The following PCDHGC3 variants were observed in gnomAD, a reference collection of about 807,000 sequenced individuals.
PCDHGC3 encodes the protein protocadherin gamma subfamily C, 3, also known as protocadherin gamma-C3.
PCDHGC3 carries 26 observed loss-of-function variants against 59.2 expected under a neutral mutation model. That is an observed-to-expected ratio of 0.44 (90% CI 0.32 to 0.61). The LOEUF (loss-of-function observed/expected upper bound fraction) is 0.61. PCDHGC3 is among the 20% of genes least tolerant of loss of function. The pLI is 0.05. For missense variants in PCDHGC3, 1,080 were observed against 1,221.8 expected (o/e 0.88, Z 1.73); for synonymous variants, 487 against 519.7 (o/e 0.94, Z 0.86).
Position 141,490,982 on chromosome 5 carries a change from G to A in PCDHGC3, c.2431-3825G>A, listed in dbSNP as rs964673026. 5 of 1,613,994 alleles carry A rather than the reference G, an allele frequency of 3.1e-6. No homozygotes were observed. Among genetic ancestry groups the A allele is most frequent in the Admixed American group, 1.7e-5 (1 of 60,020 alleles). On this transcript the variant is annotated intron_variant, in intron 1 of 3. Coordinates refer to ENST00000308177, the MANE Select transcript of PCDHGC3 (RefSeq NM_002588.4). This position sits in a 1 kb window ranked among gnomAD's most constrained non-coding sequence, Gnocchi z 5.4. The stretch of plus-strand genomic sequence containing the variant: ...CACTCAGCCCCCCAGCGTCTCCCTC[G>A]CTCTGCTCCTCCTGGCTCCTTGGTC...
At chr5:141,499,689 C>CTTT (rs545067566) in intron 2 of PCDHGC3, among the ~76,000 whole-genome samples, 57 of 119,830 alleles carry the variant, frequency 4.8e-4, no homozygotes, top group Non-Finnish European at 6.2e-4. Context: ...TAACAGATGA[C>CTTT]TTTTTTTTTT....
At position 141,486,543 on chromosome 5, in the gene PCDHGC3, A is replaced by G; in HGVS notation, c.2430+7997A>G. Reference sequence around the variant, plus strand: ...AATGATAATCCACCCTCTTTCTTTCAGAGGTCACATGAGGTGTTTGTTCCT... The same window carrying G: ...AATGATAATCCACCCTCTTTCTTTCGGAGGTCACATGAGGTGTTTGTTCCT... On this transcript the variant is annotated intron_variant, in intron 1 of 3. Transcript: ENST00000308177. This position sits in a 1 kb window ranked among gnomAD's most constrained non-coding sequence, Gnocchi z 5.0. 6.2e-7 allele frequency: 1 copy of G among 1,614,080 alleles called. No individual in the cohort carries two copies. Among genetic ancestry groups the G allele is most frequent in the Non-Finnish European group, 8.5e-7 (1 of 1,180,020 alleles).
chr5:141,500,433 T>A (rs1398344932), intron 2 of PCDHGC3, among the ~76,000 whole-genome samples: 17 of 151,882 alleles, frequency 1.1e-4, no homozygotes, highest in East Asian at 7.8e-4. Flanking sequence ...ATGGTCTCGA[T>A]CTCCTGACCT....
In PCDHGC3 at chr5:141,489,068, G is replaced by GGC; in HGVS notation, c.2431-5739_2431-5738insGC. 1 of 291,558 alleles carries GGC rather than the reference G, an allele frequency of 3.4e-6. No individual in the cohort carries two copies. The allele number at this position is 291,558 out of a possible 1,614,324, so 18.1% of individuals were successfully genotyped here. ...CTCAAATTCAGCTCCCCTCCCCCCT[G>GGC]CCCACCCCCGCCACTCGGTGACTAA... On this transcript the variant is annotated intron_variant, in intron 1 of 3. Transcript: ENST00000308177. The surrounding 1 kb of genome is among the most constrained non-coding windows in gnomAD (Gnocchi z 4.5).
chr5:141,477,600 T>A lies in PCDHGC3; in HGVS notation c.1484T>A (p.Phe495Tyr), dbSNP rs746047124. The A allele has an allele frequency of 6.2e-6, 10 of 1,614,146 alleles. No homozygotes were observed. The highest frequency in any genetic ancestry group is 7.6e-6 in the Non-Finnish European group (9 of 1,180,026). ...CCGCAGAATGCTCGGCTTTCTTTCT[T>A]TCTCTTGGAGCAAGGAGCTGAAACC... ...DAPQNARLSF[F>Y]LLEQGAETGL... Residue 495 changes from phenylalanine to tyrosine, a missense_variant, in exon 1 of 4, where the codon TTT becomes TAT. By Grantham distance (22) the Phe-to-Tyr change is conservative. Coordinates refer to ENST00000308177, the MANE Select transcript of PCDHGC3 (RefSeq NM_002588.4). This position sits in a 1 kb window ranked among gnomAD's most constrained non-coding sequence, Gnocchi z 4.9.
intron 1 of PCDHGC3, 42 bp downstream of exon 1, chr5:141,478,588 T>G (rs2099465964): frequency 6.3e-7 from 1 of 1,575,000 alleles, no homozygotes; most frequent in African/African-American, 1.4e-5. Flanking sequence ...TAGTGCTTTT[T>G]TATTCCTACA....
chr5:141,495,077 C>T (rs1237589417), intron 2 of PCDHGC3, among the ~76,000 whole-genome samples: 4 of 152,180 alleles, frequency 2.6e-5, no homozygotes, highest in African/African-American at 9.7e-5. Flanking sequence ...AATTCACATG[C>T]TTGCCCCTTC....
rs572603287 is a variant in PCDHGC3 at position 141,477,037 on chromosome 5, G to T, written c.921G>T (p.Lys307Asn). 19 of 1,614,266 alleles carry T rather than the reference G, an allele frequency of 1.2e-5. No homozygotes were observed. In the East Asian group the frequency reaches 3.8e-4, roughly 32 times the overall value. Reference sequence around the variant, plus strand: ...TTGTAACCGGGATGCTGACAATCAAGGGTCGGCTGGACTTCGAGGACACCA... The same window carrying T: ...TTGTAACCGGGATGCTGACAATCAATGGTCGGCTGGACTTCGAGGACACCA... ...LDLVTGMLTI[K>N]GRLDFEDTKL... The change falls in exon 1 of 4, where the codon AAG (lysine) becomes AAT (asparagine). Residue 307 changes from lysine (K) to asparagine (N), a missense_variant. Lys to Asn is a moderately conservative substitution (Grantham distance 94, BLOSUM62 0). Transcript: ENST00000308177. The surrounding 1 kb of genome is among the most constrained non-coding windows in gnomAD (Gnocchi z 4.9).
Position 141,476,788 on chromosome 5 carries a change from C to G in PCDHGC3, c.672C>G (p.Leu224=). 1 of 1,613,478 alleles carries G rather than the reference C, an allele frequency of 6.2e-7. No homozygotes were observed. Among genetic ancestry groups the G allele is most frequent in the Non-Finnish European group, 8.5e-7 (1 of 1,180,032 alleles). ...CGTTGGACGGAGGGACCCCAGCTCT[C>G]TCCGCCAGCCTGCCTATTCACATCA... The part of the protein sequence containing the change: ...LTALDGGTPA[L]SASLPIHIKV... Residue 224 remains leucine, a synonymous_variant, in exon 1 of 4, where the codon CTC becomes CTG. Coordinates refer to ENST00000308177, the MANE Select transcript of PCDHGC3 (RefSeq NM_002588.4). This position sits in a 1 kb window ranked among gnomAD's most constrained non-coding sequence, Gnocchi z 7.6.
chr5:141,481,455 C>T (rs2099537897), intron 1 of PCDHGC3, among the ~76,000 whole-genome samples: 1 of 152,176 alleles, frequency 6.6e-6, no homozygotes, highest in African/African-American at 2.4e-5. Flanking sequence ...TGTAAATACA[C>T]TGAAAACCAT....
In PCDHGC3 at chr5:141,502,866, C is replaced by CTTTTTTTTTTTT. The variant is rs549047197; in HGVS notation, c.2490-2524_2490-2513dup. 2.4e-4 allele frequency among the ~76,000 whole-genome samples: 31 copies of CTTTTTTTTTTTT among 128,008 alleles called. 3 individuals are homozygous for CTTTTTTTTTTTT. Among genetic ancestry groups the CTTTTTTTTTTTT allele is most frequent in the African/African-American group, 3.4e-4 (11 of 32,350 alleles). 84.0% of individuals were successfully genotyped at this position (128,008 alleles called of 152,430 possible). ...GAGCTGCCTAACCCTGACTCTCTGT[C>CTTTTTTTTTTTT]TTTTTTTTTTTTTTGACAGGGAGTC... is the stretch of plus-strand genomic sequence containing the variant. On this transcript the variant is annotated intron_variant, in intron 2 of 3. Transcript: ENST00000308177.
At position 141,493,323 on chromosome 5, in the gene PCDHGC3, C is replaced by T. The variant is rs542332335; in HGVS notation, c.2431-1484C>T. Among the ~76,000 whole-genome samples the T allele has an allele frequency of 6.6e-6, 1 of 152,294 alleles. No homozygotes were observed. The highest frequency in any genetic ancestry group is 6.5e-5 in the Admixed American group (1 of 15,300). On this transcript the variant is annotated intron_variant, in intron 1 of 3. Transcript: ENST00000308177. The surrounding 1 kb of genome is among the most constrained non-coding windows in gnomAD (Gnocchi z 4.3). ...AGAGCAAGTAAGAGAGATTCTAACC[C>T]CTGTCTAACTCCAGAATGTGTGCTT...
chr5:141,483,904 T>A (rs11750647), intron 1 of PCDHGC3, among the ~76,000 whole-genome samples: 24,531 of 151,676 alleles, frequency 0.16, 2,105 homozygotes, highest in African/African-American at 0.21. Context: ...CTCTGGTGTG[T>A]TTCCCACTCA....
intron 1 of PCDHGC3, among the ~76,000 whole-genome samples, chr5:141,492,170 C>A (rs1383768075): frequency 6.6e-6 from 1 of 152,226 alleles, no homozygotes; most frequent in Non-Finnish European, 1.5e-5. Context: ...ATCCCCGCAT[C>A]ACCCAACCGC....
In PCDHGC3 at chr5:141,485,507, G is replaced by A. The variant is rs766643911; in HGVS notation, c.2430+6961G>A. 6.8e-6 allele frequency: 11 copies of A among 1,614,174 alleles called. No homozygotes were observed. Among genetic ancestry groups the A allele is most frequent in the Non-Finnish European group, 8.5e-6 (10 of 1,180,036 alleles). ...CGTGCCCCTGGAGTTTGTCACCGAA[G>A]GTCCTTTGGAAATGTACCGAGCAGA... On this transcript the variant is annotated intron_variant, in intron 1 of 3. Transcript: ENST00000308177. The surrounding 1 kb of genome is among the most constrained non-coding windows in gnomAD (Gnocchi z 5.7).
Position 141,478,139 on chromosome 5 carries a change from G to A in PCDHGC3, c.2023G>A (p.Ala675Thr). The A allele has an allele frequency of 6.2e-7, 1 of 1,614,040 alleles. No homozygotes were observed. Among genetic ancestry groups the A allele is most frequent in the Non-Finnish European group, 8.5e-7 (1 of 1,180,028 alleles). ...AACCGAGGACTCTCCTGAAGCCCGA[G>A]CCGAGTTCCCCTCTGGCTCTGCCCC... ...SVTEDSPEAR[A>T]EFPSGSAPRE... is the part of the protein sequence containing the mutation. The change falls in exon 1 of 4, where the codon GCC becomes ACC. Residue 675 changes from alanine (A) to threonine (T), a missense_variant. Coordinates refer to ENST00000308177, the MANE Select transcript of PCDHGC3 (RefSeq NM_002588.4).
rs773174763 is a variant in PCDHGC3 at position 141,477,409 on chromosome 5, C to T, written c.1293C>T (p.Asp431=). The T allele has an allele frequency of 1.4e-5, 22 of 1,614,058 alleles. No homozygotes were observed. The highest frequency in any genetic ancestry group is 1.7e-5 in the Admixed American group (1 of 60,006). Residue 431 remains aspartate (D), a synonymous_variant, in exon 1 of 4, where the codon GAC becomes GAT. Transcript: ENST00000308177. This position sits in a 1 kb window ranked among gnomAD's most constrained non-coding sequence, Gnocchi z 4.9. ...ACAACCTCAGCATCACCGCCCGAGA[C>T]GCCGGAACCCCTTCCCTCTCAGCCC... ...PEYNLSITAR[D]AGTPSLSALT...
At chr5:141,501,716 A>G (rs2099810687) in intron 2 of PCDHGC3, among the ~76,000 whole-genome samples, 1 of 152,160 alleles carries the variant, frequency 6.6e-6, no homozygotes, top group African/African-American at 2.4e-5. Flanking sequence ...TAAAAAAGAC[A>G]AATATATTAC....
rs781026604 is a variant in PCDHGC3, at chr5:141,490,471, C to G, written c.2431-4336C>G. ...CCACTACTCGCTGCTAACCAGCCAG[C>G]CTTTGGACCGGGAGGCCACATCCCA... On this transcript the variant is annotated intron_variant, in intron 1 of 3. Coordinates refer to ENST00000308177, the MANE Select transcript of PCDHGC3 (RefSeq NM_002588.4). The surrounding 1 kb of genome is among the most constrained non-coding windows in gnomAD (Gnocchi z 5.4). 12 of 1,614,096 alleles carry G rather than the reference C, an allele frequency of 7.4e-6. No homozygotes were observed. The highest frequency in any genetic ancestry group is 1.1e-5 in the South Asian group (1 of 91,092).
Sources: gnomAD v4.1 joint callset for allele counts (sites outside exome capture counted in the v4.1 genomes callset) on GRCh38, gnomAD v4.1.1 for gene constraint, Gnocchi (gnomAD v3.1) non-coding constraint, MANE v1.5 for transcripts, NCBI Gene and HGNC (gene_info 2026-07-23, HGNC 2026-07-21) for gene names.